Variants in ABR observed in about 807,000 individuals in gnomAD.
The protein encoded by ABR is ABR activator of RhoGEF and GTPase.
In ABR, 35 loss-of-function variants were observed where a neutral mutation model predicts 107.2. The ratio of observed to expected loss-of-function variants is 0.33; its 90% CI spans 0.25 to 0.43. The LOEUF is 0.43. Among genes scored for constraint, ABR ranks in the 20% least tolerant of loss-of-function variants. The pLI, the probability that ABR is intolerant of heterozygous loss-of-function variation, is 1.00. For missense variants in ABR, 815 were observed against 1,115.2 expected (o/e 0.73, Z 3.83); for synonymous variants, 498 against 462.0 (o/e 1.08, Z -1.00).
intron 1 of ABR, among the ~76,000 whole-genome samples, chr17:1,134,663 A>C (rs2039980832): frequency 6.6e-6 from 1 of 152,224 alleles, no homozygotes; most frequent in Non-Finnish European, 1.5e-5. Flanking sequence ...CAGAGGCCTC[A>C]AAGGCCCGGC....
At chr17:1,066,413 T>C (rs1418764900) in intron 10 of ABR, among the ~76,000 whole-genome samples, 1 of 152,176 alleles carries the variant, frequency 6.6e-6, no homozygotes, top group Non-Finnish European at 1.5e-5. Context: ...CTCTCCTTAT[T>C]TATTTGCCTA....
chr17:1,128,167 C>T (rs987838131), intron 1 of ABR, among the ~76,000 whole-genome samples: 4 of 152,146 alleles, frequency 2.6e-5, no homozygotes. Flanking sequence ...TTCATTTCTG[C>T]CCCCACAAAA....
rs1300121752 is a variant in ABR, at chr17:1,083,837, G to C, written c.532-210C>G. On this transcript the variant is annotated intron_variant, in intron 4 of 22. Transcript: ENST00000302538. ...CCATGGAAACCAGCTCAGCCAATAAGGTTAATGAGGGGGTCTGGGGTTGGG... is the reference window on the plus strand; with the variant it reads ...CCATGGAAACCAGCTCAGCCAATAACGTTAATGAGGGGGTCTGGGGTTGGG... The C allele has an allele frequency of 1.5e-5, 8 of 549,378 alleles. No individual in the cohort carries two copies. In the East Asian group the frequency reaches 2.6e-4, roughly 18 times the overall value. The allele number at this position is 549,378 out of a possible 1,614,324, so 34.0% of individuals were successfully genotyped here.
At position 1,185,664 on chromosome 17, in the gene ABR, A is replaced by AG. The variant is rs1567873633; in HGVS notation, c.-78+1135_-78+1136insC. On this transcript the variant is annotated intron_variant, in intron 1 of 22. Transcript: ENST00000544583. Reference sequence around the variant, plus strand: ...CGTCTCAGAAAGAAATAAAAAAAAAAAAAAAAAAAAAAAAAAGAAGGTATG... The same window carrying AG: ...CGTCTCAGAAAGAAATAAAAAAAAAAGAAAAAAAAAAAAAAAAGAAGGTATG... Among the ~76,000 whole-genome samples the AG allele has an allele frequency of 6.7e-5, 9 of 134,890 alleles. No homozygotes were observed. In the East Asian group the frequency reaches 2.3e-3, roughly 35 times the overall value. The allele number at this position is 134,890 out of a possible 152,430, so 88.5% of individuals were successfully genotyped here.
intron 6 of ABR, chr17:1,079,028 T>C: frequency 9.9e-7 from 1 of 1,010,780 alleles, no homozygotes; most frequent in Non-Finnish European, 1.2e-6. Flanking sequence ...GGGAGGCGCG[T>C]GGCGAGGAGA....
chr17:1,009,232 C>T (rs1358345688), intron 21 of ABR, among the ~76,000 whole-genome samples: 1 of 84,784 alleles, frequency 1.2e-5, no homozygotes, highest in Admixed American at 1.3e-4. Context: ...CACTACTGTC[C>T]ATTCCCCACT....
intron 2 of ABR, among the ~76,000 whole-genome samples, chr17:1,119,931 C>T (rs1250438697): frequency 2.0e-5 from 3 of 152,012 alleles, no homozygotes; most frequent in African/African-American, 4.8e-5. Flanking sequence ...GTCACCCAGG[C>T]GGGGTACAAT....
chr17:1,073,532 C>T, intron 7 of ABR, 93 bp downstream of exon 7: 1 of 1,039,194 alleles, frequency 9.6e-7, no homozygotes, highest in Non-Finnish European at 1.3e-6. Context: ...CCCAGGTGGA[C>T]TGTTCTCGGT....
At chr17:1,147,364 G>T (rs1356343927) in intron 1 of ABR, among the ~76,000 whole-genome samples, 9 of 141,696 alleles carry the variant, frequency 6.4e-5, no homozygotes, top group South Asian at 2.2e-4. Flanking sequence ...GGTTTTGGTT[G>T]TTTTTTTTTT....
Position 1,146,794 on chromosome 17 carries a change from ATGCCACCAC to A in ABR, c.62-21436_62-21428del, listed in dbSNP as rs1219302005. Reference sequence around the variant, plus strand: ...CTGCCACCAGGCCACCACTGCCACCATGCCACCACTGCCACCAGGCCACCACTGCCACAC... The same window carrying A: ...CTGCCACCAGGCCACCACTGCCACCATGCCACCAGGCCACCACTGCCACAC... On this transcript the variant is annotated intron_variant, in intron 1 of 22. Coordinates refer to ENST00000302538, the MANE Select transcript of ABR (RefSeq NM_021962.5). Among the ~76,000 whole-genome samples the A allele has an allele frequency of 1.6e-4, 10 of 61,174 alleles. 1 individual carries two copies. Among genetic ancestry groups the A allele is most frequent in the Non-Finnish European group, 3.8e-4 (9 of 23,714 alleles). 40.1% of individuals were successfully genotyped at this position (61,174 alleles called of 152,430 possible). A position where few individuals can be genotyped will look rare whatever the true frequency, so the allele number is the denominator to read the frequency against.
At chr17:1,193,760 G>A (rs527357697) in intron 1 of ABR, among the ~76,000 whole-genome samples, 16 of 152,124 alleles carry the variant, frequency 1.1e-4, no homozygotes, top group South Asian at 2.1e-4. Flanking sequence ...GCACAATCTC[G>A]GCTCACTGCA....
In ABR at chr17:1,078,432, G is replaced by A. The variant is rs369122474; in HGVS notation, c.700+898C>T. 3.9e-5 allele frequency among the ~76,000 whole-genome samples: 6 copies of A among 152,058 alleles called. No individual in the cohort carries two copies. Among genetic ancestry groups the A allele is most frequent in the Non-Finnish European group, 5.9e-5 (4 of 68,002 alleles). On this transcript the variant is annotated intron_variant, in intron 6 of 22. Coordinates refer to ENST00000302538, the MANE Select transcript of ABR (RefSeq NM_021962.5). The surrounding 1 kb of genome is among the most constrained non-coding windows in gnomAD (Gnocchi z 7.5). ...GCCGTCCGGACCATCGCCACCCATC[G>A]CCACGCTGTGCCTGGCCCCCGCAGA... is the stretch of plus-strand genomic sequence containing the variant.
intron 16 of ABR, among the ~76,000 whole-genome samples, chr17:1,021,543 C>G (rs138670213): frequency 6.6e-6 from 1 of 151,950 alleles, no homozygotes. Flanking sequence ...CGGTGGCTCA[C>G]GCCTGTCATC....
At chr17:1,018,160 A>T (rs1163968149) in intron 16 of ABR, among the ~76,000 whole-genome samples, 1 of 151,980 alleles carries the variant, frequency 6.6e-6, no homozygotes, top group Non-Finnish European at 1.5e-5. Context: ...CTCCTGCCTC[A>T]GCCTCCTGAG....
chr17:1,185,226 C>G (rs2042249295), intron 1 of ABR: 1 of 152,226 alleles, frequency 6.6e-6, no homozygotes, highest in African/African-American at 2.4e-5. Flanking sequence ...CCAGATGACC[C>G]TGGAGACAAG....
In ABR at chr17:1,041,615, C is replaced by G. The variant is rs889993596; in HGVS notation, c.1791+8435G>C. 3.3e-5 allele frequency among the ~76,000 whole-genome samples: 5 copies of G among 152,276 alleles called. No individual in the cohort carries two copies. In the South Asian group the frequency reaches 6.2e-4, roughly 19 times the overall value. On this transcript the variant is annotated intron_variant, in intron 16 of 22. Coordinates refer to ENST00000302538, the MANE Select transcript of ABR (RefSeq NM_021962.5). ...GGGCATGGTGGCGGGCGCCTTTAAT[C>G]CCAGCTAACCAGGAGACTGAGACAG...
chr17:1,227,547 G>A (rs766576575), intron 1 of ABR, among the ~76,000 whole-genome samples: 2 of 152,222 alleles, frequency 1.3e-5, no homozygotes, highest in Non-Finnish European at 1.5e-5. Flanking sequence ...CCTTCCAACT[G>A]TGCTTTTAGC....
chr17:1,212,270 G>C (rs537604957), intron 1 of ABR, among the ~76,000 whole-genome samples: 159 of 151,002 alleles, frequency 1.1e-3, no homozygotes, highest in African/African-American at 3.1e-3. Context: ...CTCTACAAAA[G>C]TTTTATAAGG....
chr17:1,135,767 T>C (rs1662945127), intron 1 of ABR, among the ~76,000 whole-genome samples: 1 of 152,042 alleles, frequency 6.6e-6, no homozygotes, highest in South Asian at 2.1e-4. Flanking sequence ...TCCCAGCTAT[T>C]CGGGGGGCTG....
Sources: gnomAD v4.1 joint callset for allele counts (sites outside exome capture counted in the v4.1 genomes callset) on GRCh38, gnomAD v4.1.1 for gene constraint, Gnocchi (gnomAD v3.1) non-coding constraint, MANE v1.5 for transcripts, NCBI Gene and HGNC (gene_info 2026-07-23, HGNC 2026-07-21) for gene names.